NPEPL1: variants seen among roughly 807,000 people sequenced by gnomAD.
NPEPL1 encodes the protein aminopeptidase like 1.
In NPEPL1, 45 loss-of-function variants were observed where a neutral mutation model predicts 52.4. The ratio of observed to expected loss-of-function variants is 0.86; its 90% CI spans 0.68 to 1.10. The LOEUF (loss-of-function observed/expected upper bound fraction) is 1.10, where lower values mean the gene tolerates loss of function less well. Ranked by LOEUF, NPEPL1 falls within the 50% of genes least tolerant of loss-of-function variation. The probability of loss-of-function intolerance (pLI) is 0.00; values close to 1 mark genes in which losing one functional copy is unlikely to be tolerated. For synonymous variants in NPEPL1, 360 were observed against 314.7 expected, an observed-to-expected ratio of 1.14 and a Z score of -1.52; for missense variants, 696 against 710.9, an observed-to-expected ratio of 0.98 and a Z score of 0.24.
At chr20:58,707,332 C>G (rs1298429461) in intron 7 of NPEPL1, 132 bp downstream of exon 7, 3 of 836,304 alleles carry the variant, frequency 3.6e-6, no homozygotes, top group Admixed American at 2.8e-5. Flanking sequence ...TGCTTGTCCC[C>G]CCTCTGCCCC....
At chr20:58,714,327 G>A in intron 10 of NPEPL1, 1 of 612,566 alleles carries the variant, frequency 1.6e-6, no homozygotes. Context: ...TCTTGGGTCT[G>A]GCTCAGTTGC....
chr20:58,693,158 G>A, intron 1 of NPEPL1, 108 bp downstream of exon 1: 3 of 781,658 alleles, frequency 3.8e-6, no homozygotes, highest in Non-Finnish European at 4.7e-6. Flanking sequence ...GCCGGGCCGG[G>A]CCCAACGAGG....
At chr20:58,693,080 C>T in intron 1 of NPEPL1, 30 bp downstream of exon 1, 3 of 1,002,782 alleles carry the variant, frequency 3.0e-6, no homozygotes, top group Non-Finnish European at 2.4e-6. Context: ...CCATGCGACC[C>T]GCGCCGCGGA....
chr20:58,704,545 T>G (rs779898089), intron 6 of NPEPL1: 5 of 289,970 alleles, frequency 1.7e-5, no homozygotes, highest in African/African-American at 2.3e-5. Context: ...TTTATGAAGA[T>G]AAGCATCTTC....
chr20:58,691,261 A>T (rs548016099), upstream of NPEPL1: 8 of 669,282 alleles, frequency 1.2e-5, no homozygotes, highest in African/African-American at 5.4e-5. Flanking sequence ...GAAAACATTC[A>T]GCTGCTGTAA....
At chr20:58,695,005 C>CTGTGTGT (rs1568847426) in intron 3 of NPEPL1, among the ~76,000 whole-genome samples, 3 of 1,234 alleles carry the variant, frequency 2.4e-3, no homozygotes, top group Non-Finnish European at 1.8e-3. Context: ...TGTGTGTGTG[C>CTGTGTGT]ATGTGTGATG....
At chr20:58,693,668 A>G (rs1029915879) in intron 1 of NPEPL1, 69 bp from the exon 2 acceptor site, 2 of 1,427,346 alleles carry the variant, frequency 1.4e-6, no homozygotes, top group East Asian at 2.3e-5. Flanking sequence ...CCGTGGCTGC[A>G]GGGCAGGGCC....
At chr20:58,697,294 G>C (rs539332724) in intron 3 of NPEPL1, among the ~76,000 whole-genome samples, 3 of 152,200 alleles carry the variant, frequency 2.0e-5, no homozygotes, top group Non-Finnish European at 4.4e-5. Context: ...TCAGAGCCCC[G>C]AGCTCGCCGT....
At position 58,692,900 on chromosome 20, in the gene NPEPL1, G is replaced by A; in HGVS notation, c.-1G>A. 2 of 1,062,290 alleles carry A rather than the reference G, an allele frequency of 1.9e-6. No homozygotes were observed. Among genetic ancestry groups the A allele is most frequent in the Non-Finnish European group, 2.3e-6 (2 of 876,882 alleles). The allele number at this position is 1,062,290 out of a possible 1,614,324, so 65.8% of individuals were successfully genotyped here. On this transcript the variant is annotated 5_prime_UTR_variant, in exon 1 of 12. Transcript: ENST00000356091. This position sits in a 1 kb window ranked among gnomAD's most constrained non-coding sequence, Gnocchi z 5.7. ...GGGCCGGGGCGTGGGCCGGCAGGAAGATGGCGAACGTGGGGCTGCAGTTCC... is the reference window on the plus strand; with the variant it reads ...GGGCCGGGGCGTGGGCCGGCAGGAAAATGGCGAACGTGGGGCTGCAGTTCC...
At position 58,712,593 on chromosome 20, in the gene NPEPL1, T is replaced by C; in HGVS notation, c.1001+14T>C. On this transcript the variant is annotated intron_variant, in intron 8 of 11. Transcript: ENST00000356091. ...GTACTCAGGGAAGTACGTCTGGCCCTCCCACTCCTTCCTGCCCACTGTTGG... is the reference window on the plus strand; with the variant it reads ...GTACTCAGGGAAGTACGTCTGGCCCCCCCACTCCTTCCTGCCCACTGTTGG... The C allele has an allele frequency of 6.4e-7, 1 of 1,553,164 alleles. No homozygotes were observed. Among genetic ancestry groups the C allele is most frequent in the Non-Finnish European group, 8.9e-7 (1 of 1,124,874 alleles).
In NPEPL1 at chr20:58,714,672, T is replaced by A; in HGVS notation, c.1413+2T>A. The A allele has an allele frequency of 6.3e-7, 1 of 1,582,018 alleles. No homozygotes were observed. Among genetic ancestry groups the A allele is most frequent in the Non-Finnish European group, 8.6e-7 (1 of 1,165,704 alleles). On this transcript the variant is annotated splice_donor_variant, in intron 11 of 11. Coordinates refer to ENST00000356091, the MANE Select transcript of NPEPL1 (RefSeq NM_024663.4). LOFTEE classifies it high-confidence loss of function. ...GACATTGCTGCACCGGTGCATGCTG[T>A]GAGTGTCTCCCCTCCCCACTGGCCC...
At position 58,713,460 on chromosome 20, in the gene NPEPL1, G is replaced by T. The variant is rs763696613; in HGVS notation, c.1042G>T (p.Val348Leu). ...CAACACGGATGCCGAGGGCAGGCTG[G>T]TGCTGGCAGATGGCGTGTCCTATGC... ...INNTDAEGRL[V>L]LADGVSYACK... Residue 348 changes from valine to leucine, a missense_variant, in exon 9 of 12, where the codon GTG becomes TTG. By Grantham distance (32) the Val-to-Leu change is conservative. Coordinates refer to ENST00000356091, the MANE Select transcript of NPEPL1 (RefSeq NM_024663.4). The surrounding 1 kb of genome is among the most constrained non-coding windows in gnomAD (Gnocchi z 4.6). 1.9e-6 allele frequency: 3 copies of T among 1,610,866 alleles called. No homozygotes were observed.
At chr20:58,691,811 T>C, upstream of NPEPL1, 1 of 1,544,570 alleles carries the variant, frequency 6.5e-7, no homozygotes, top group African/African-American at 1.4e-5. Flanking sequence ...CCAAAGGCCC[T>C]TGAGCAATCA....
chr20:58,714,605 T>C lies in NPEPL1; in HGVS notation c.1348T>C (p.Ser450Pro). The C allele has an allele frequency of 6.3e-7, 1 of 1,597,150 alleles. No individual in the cohort carries two copies. ...CTCCTGTGCTGGCCTCTTCATCGCC[T>C]CACACATCGGCTTCGACTGGCCCGG... ...PSSCAGLFIA[S>P]HIGFDWPGVW... Residue 450 changes from serine to proline, a missense_variant, in exon 11 of 12, where the codon TCA becomes CCA. By Grantham distance (74) the Ser-to-Pro change is moderately conservative. Coordinates refer to ENST00000356091, the MANE Select transcript of NPEPL1 (RefSeq NM_024663.4).
At position 58,713,740 on chromosome 20, in the gene NPEPL1, A is replaced by G; in HGVS notation, c.1126-177A>G. 1 of 1,046,912 alleles carries G rather than the reference A, an allele frequency of 9.6e-7. No individual in the cohort carries two copies. Among genetic ancestry groups the G allele is most frequent in the Non-Finnish European group, 1.3e-6 (1 of 759,398 alleles). 64.9% of individuals were successfully genotyped at this position (1,046,912 alleles called of 1,614,324 possible). A position where few individuals can be genotyped will look rare whatever the true frequency, so the allele number is the denominator to read the frequency against. ...GCCCAGGCTGGATGCAGAGCCGGGA[A>G]CCGCCTCCTGTGTGCTTCATGGCCA... On this transcript the variant is annotated intron_variant, in intron 9 of 11. Coordinates refer to ENST00000356091, the MANE Select transcript of NPEPL1 (RefSeq NM_024663.4). This position sits in a 1 kb window ranked among gnomAD's most constrained non-coding sequence, Gnocchi z 4.6.
At chr20:58,693,254 C>T (rs1166338292) in intron 1 of NPEPL1, 2 of 217,258 alleles carry the variant, frequency 9.2e-6, no homozygotes, top group Non-Finnish European at 1.6e-5. Context: ...CGGTGCGGCG[C>T]GGTGGTCCTC....
chr20:58,702,533 T>TTTG (rs1182838351), intron 6 of NPEPL1, among the ~76,000 whole-genome samples: 3 of 152,238 alleles, frequency 2.0e-5, no homozygotes, highest in Admixed American at 2.0e-4. Flanking sequence ...AAAAGGGTTT[T>TTTG]TTGTTTTTTT....
At chr20:58,708,437 G>A (rs1278957463) in intron 7 of NPEPL1, among the ~76,000 whole-genome samples, 1 of 151,906 alleles carries the variant, frequency 6.6e-6, no homozygotes, top group Non-Finnish European at 1.5e-5. Flanking sequence ...CTCTGCACGG[G>A]TTTGGAAACG....
chr20:58,691,624 G>C (rs1009710329), upstream of NPEPL1: 3 of 649,134 alleles, frequency 4.6e-6, no homozygotes, highest in Non-Finnish European at 8.0e-6. Flanking sequence ...CCAGCTGGGA[G>C]GTCAGTGGTG....
Sources: allele counts gnomAD v4.1 joint callset (sites outside exome capture counted in the v4.1 genomes callset), GRCh38; gene constraint gnomAD v4.1.1; non-coding constraint Gnocchi (gnomAD v3.1); transcripts MANE v1.5; gene names NCBI Gene and HGNC (gene_info 2026-07-23, HGNC 2026-07-21).